Variants in PIEZO2 observed in about 807,000 individuals in gnomAD.
The protein encoded by PIEZO2 is piezo type mechanosensitive ion channel component 2.
PIEZO2 carries 172 observed loss-of-function variants against 337.3 expected under a neutral mutation model. That is an observed-to-expected ratio of 0.51 (90% confidence interval 0.45 to 0.58). The LOEUF is 0.58. Ranked by LOEUF, PIEZO2 falls within the 20% of genes least tolerant of loss-of-function variation. The pLI is 0.00. For synonymous variants in PIEZO2, 1,251 were observed against 1,228.5 expected (o/e 1.02, Z -0.38); for missense variants, 3,028 against 3,391.3 (o/e 0.89, Z 2.66).
rs1431134885 is a variant in PIEZO2, at chr18:10,719,403, G to A, written c.5030-1144C>T. Among the ~76,000 whole-genome samples, 3 of 152,102 alleles carry A rather than the reference G, an allele frequency of 2.0e-5. No individual in the cohort carries two copies. The East Asian group carries it at 5.8e-4, about 29-fold the overall frequency. ...CAGTGTCTATGACTGCCCTCCGTAT[G>A]CCCATGTGCACCCATTGCTTAGCTC... On this transcript the variant is annotated intron_variant, in intron 36 of 55. Transcript: ENST00000674853.
chr18:10,791,892 T>C (rs1307611599), intron 13 of PIEZO2, among the ~76,000 whole-genome samples: 1 of 152,212 alleles, frequency 6.6e-6, no homozygotes, highest in Admixed American at 6.5e-5. Context: ...AACCTTTTGA[T>C]TTAGGGGAAC....
Position 10,726,299 on chromosome 18 carries a change from CG to C in PIEZO2, c.5029+5107del. 1 of 1,074,934 alleles carries C rather than the reference CG, an allele frequency of 9.3e-7. No homozygotes were observed. Among genetic ancestry groups the C allele is most frequent in the East Asian group, 2.6e-5 (1 of 38,168 alleles). 66.6% of individuals were successfully genotyped at this position (1,074,934 alleles called of 1,614,324 possible). On this transcript the variant is annotated intron_variant, in intron 36 of 55. Transcript: ENST00000674853. The surrounding 1 kb of genome is among the most constrained non-coding windows in gnomAD (Gnocchi z 5.9). The stretch of plus-strand genomic sequence containing the variant: ...AATGGAAGCGTCGCGGCCAGAGCCC[CG>C]GCCAGGTGGAGCAGGTGGGTCCCCG...
intron 1 of PIEZO2, among the ~76,000 whole-genome samples, chr18:11,140,154 C>G (rs1014015985): frequency 6.6e-6 from 1 of 152,188 alleles, no homozygotes; most frequent in Non-Finnish European, 1.5e-5. Context: ...TTCATGGACA[C>G]CTGAGGCTCC....
chr18:10,671,779 A>G lies in PIEZO2; in HGVS notation c.8346T>C (p.Gly2782=). The G allele has an allele frequency of 6.2e-7, 1 of 1,600,524 alleles. No individual in the cohort carries two copies. Among genetic ancestry groups the G allele is most frequent in the Non-Finnish European group, 8.5e-7 (1 of 1,172,728 alleles). ...PPSLGFLAGY[G]IMGLYASVVL... The stretch of plus-strand genomic sequence containing the variant: ...CAACTGAAGCATATAATCCCATAAT[A>G]CTGAAAAAAACAGTAAGTAGAAATT... Residue 2782 remains glycine, a splice_region_variant and synonymous_variant, in exon 56 of 56, where the codon GGT becomes GGC. Transcript: ENST00000674853.
chr18:11,022,729 A>G (rs1457399069), intron 2 of PIEZO2, among the ~76,000 whole-genome samples: 1 of 152,256 alleles, frequency 6.6e-6, no homozygotes, highest in East Asian at 1.9e-4. Flanking sequence ...CGTAAAAACT[A>G]TAAAATACTA....
intron 37 of PIEZO2, 91 bp from the exon 38 acceptor site, chr18:10,715,907 A>G (rs2035993382): frequency 1.8e-6 from 2 of 1,093,316 alleles, no homozygotes; most frequent in Admixed American, 2.5e-5. Flanking sequence ...CCAAAGCTGG[A>G]CCTGGCTCTT....
intron 2 of PIEZO2, among the ~76,000 whole-genome samples, chr18:11,012,552 G>T (rs917856166): frequency 6.6e-6 from 1 of 152,090 alleles, no homozygotes; most frequent in Non-Finnish European, 1.5e-5. Context: ...TTCACTGTAC[G>T]CTCTTGGGCA....
rs112025843 is a variant in PIEZO2 at position 10,995,918 on chromosome 18, CAT to C, written c.161-16260_161-16259del. On this transcript the variant is annotated intron_variant, in intron 2 of 55. Transcript: ENST00000674853. ...GCCCATAAAATGCCCTCAGGAAAAA[CAT>C]GTGATTGCTATAAAAAAATGAAGCT... is the stretch of plus-strand genomic sequence containing the variant. 1.1e-3 allele frequency among the ~76,000 whole-genome samples: 163 copies of C among 152,256 alleles called. 1 individual carries two copies. Among genetic ancestry groups the C allele is most frequent in the African/African-American group, 3.7e-3 (152 of 41,560 alleles).
intron 3 of PIEZO2, among the ~76,000 whole-genome samples, chr18:10,926,390 G>A (rs2031742292): frequency 6.6e-6 from 1 of 152,168 alleles, no homozygotes; most frequent in Non-Finnish European, 1.5e-5. Context: ...TTACAAATTT[G>A]CAGTGCACTA....
intron 7 of PIEZO2, among the ~76,000 whole-genome samples, chr18:10,807,497 T>C (rs1047218334): frequency 1.3e-5 from 2 of 152,258 alleles, no homozygotes; most frequent in African/African-American, 4.8e-5. Context: ...TCAGTAATCA[T>C]ATGTGTATGT....
chr18:11,014,167 C>G (rs1284933454), intron 2 of PIEZO2, among the ~76,000 whole-genome samples: 1 of 152,128 alleles, frequency 6.6e-6, no homozygotes, highest in East Asian at 1.9e-4. Context: ...AGGGCCCCCT[C>G]ATTCCTTAGT....
At chr18:10,889,887 A>G (rs1469179877) in intron 4 of PIEZO2, among the ~76,000 whole-genome samples, 1 of 152,216 alleles carries the variant, frequency 6.6e-6, no homozygotes, top group Non-Finnish European at 1.5e-5. Flanking sequence ...GGACCTTTCC[A>G]GGGGCTCCCC....
intron 36 of PIEZO2, 51 bp from the exon 37 acceptor site, chr18:10,718,310 A>G (rs912243079): frequency 1.4e-6 from 2 of 1,404,548 alleles, no homozygotes; most frequent in Non-Finnish European, 1.9e-6. Context: ...AGGGTAAATT[A>G]AATGCCAATG....
intron 34 of PIEZO2, 46 bp downstream of exon 34, chr18:10,736,558 G>A: frequency 6.5e-7 from 1 of 1,535,294 alleles, no homozygotes; most frequent in South Asian, 1.2e-5. Context: ...CCGTCAATAA[G>A]AAAAGCTCTT....
rs532603298 is a variant in PIEZO2 at position 11,001,227 on chromosome 18, C to T, written c.161-21567G>A. 1.3e-5 allele frequency among the ~76,000 whole-genome samples: 2 copies of T among 152,264 alleles called. No individual in the cohort carries two copies. Among genetic ancestry groups the T allele is most frequent in the East Asian group, 1.9e-4 (1 of 5,166 alleles). On this transcript the variant is annotated intron_variant, in intron 2 of 55. Coordinates refer to ENST00000674853, the MANE Select transcript of PIEZO2 (RefSeq NM_001378183.1). The surrounding 1 kb of genome is among the most constrained non-coding windows in gnomAD (Gnocchi z 5.3). ...GGCAGGGCTGCCGCTAGCATATGGT[C>T]TCCAGCTCAGAAGGTACTTTATGGC...
intron 1 of PIEZO2, among the ~76,000 whole-genome samples, chr18:11,085,653 C>A (rs1007303906): frequency 1.3e-5 from 2 of 152,128 alleles, no homozygotes; most frequent in African/African-American, 4.8e-5. Flanking sequence ...TGAAATGGAT[C>A]TCCTAACCTT....
rs938596950 is a variant in PIEZO2 at position 10,716,438 on chromosome 18, C to G, written c.5090-622G>C. Among the ~76,000 whole-genome samples the G allele has an allele frequency of 5.9e-5, 9 of 152,196 alleles. No homozygotes were observed. Among genetic ancestry groups the G allele is most frequent in the Non-Finnish European group, 1.2e-4 (8 of 68,038 alleles). On this transcript the variant is annotated intron_variant, in intron 37 of 55. Transcript: ENST00000674853. This position sits in a 1 kb window ranked among gnomAD's most constrained non-coding sequence, Gnocchi z 4.1. ...GATGTTCTGTGTGACAATTTCCCAC[C>G]TGTGCTGTCACTACCCTGGTGACAC...
chr18:11,082,315 T>C (rs1375458050), intron 1 of PIEZO2, among the ~76,000 whole-genome samples: 2 of 136,354 alleles, frequency 1.5e-5, no homozygotes, highest in East Asian at 2.4e-4. Flanking sequence ...ACATATTTTT[T>C]TCTTTTTCTT....
At chr18:10,809,100 A>C (rs1029479892) in intron 7 of PIEZO2, among the ~76,000 whole-genome samples, 1 of 152,110 alleles carries the variant, frequency 6.6e-6, no homozygotes, top group Non-Finnish European at 1.5e-5. Flanking sequence ...ACATTCCTAC[A>C]CTAACACTGA....
Sources: gnomAD v4.1 joint callset for allele counts (sites outside exome capture counted in the v4.1 genomes callset) on GRCh38, gnomAD v4.1.1 for gene constraint, Gnocchi (gnomAD v3.1) non-coding constraint, MANE v1.5 for transcripts, NCBI Gene and HGNC (gene_info 2026-07-23, HGNC 2026-07-21) for gene names.